SPATA17: variants seen among roughly 807,000 people sequenced by gnomAD.
The protein encoded by SPATA17 is spermatogenesis-associated protein 17.
In SPATA17, 53 loss-of-function variants were observed where a neutral mutation model predicts 62.2. The ratio of observed to expected loss-of-function variants is 0.85; its 90% confidence interval spans 0.68 to 1.07. SPATA17 has a LOEUF of 1.07. SPATA17 is among the 50% of genes least tolerant of loss of function. The pLI, the probability that SPATA17 is intolerant of heterozygous loss-of-function variation, is 0.00. For synonymous variants in SPATA17, 146 were observed against 146.8 expected (o/e 0.99, Z 0.04); for missense variants, 466 against 425.5 (o/e 1.10, Z -0.84).
chr1:217,672,784 T>C (rs1670860459), intron 4 of SPATA17, among the ~76,000 whole-genome samples: 1 of 152,144 alleles, frequency 6.6e-6, no homozygotes, highest in Non-Finnish European at 1.5e-5. Context: ...TTTTTTATGT[T>C]CCTATTTTAC....
In SPATA17 at chr1:217,870,092, T is replaced by C. The variant is rs1676101352; in HGVS notation, c.*3073T>C. ...CTAAACTTATAACAAAATAAATAAT[T>C]GGCCATCTTCATTGGATTGTGAAGC... is the stretch of plus-strand genomic sequence containing the variant. On this transcript the variant is annotated 3_prime_UTR_variant, in exon 11 of 11. Transcript: ENST00000366933. 1 of 152,126 alleles carries C rather than the reference T, an allele frequency of 6.6e-6. No individual in the cohort carries two copies. Among genetic ancestry groups the C allele is most frequent in the Non-Finnish European group, 1.5e-5 (1 of 68,028 alleles). The allele number at this position is 152,126 out of a possible 1,614,324, so 9.4% of individuals were successfully genotyped here. A position where few individuals can be genotyped will look rare whatever the true frequency, so the allele number is the denominator to read the frequency against.
At chr1:217,831,833 G>T (rs1675150289) in intron 9 of SPATA17, among the ~76,000 whole-genome samples, 1 of 151,962 alleles carries the variant, frequency 6.6e-6, no homozygotes, top group African/African-American at 2.4e-5. Context: ...CCATATACTT[G>T]TTTCCTTCAC....
At chr1:217,638,831 A>G (rs1669995366) in intron 1 of SPATA17, among the ~76,000 whole-genome samples, 1 of 152,178 alleles carries the variant, frequency 6.6e-6, no homozygotes, top group African/African-American at 2.4e-5. Flanking sequence ...CCATTTAAAA[A>G]TGTAATAGAT....
rs58138326 is a variant in SPATA17, at chr1:217,705,430, C to CTTTTTTTTTTTTTT, written c.395+22084_395+22097dup. On this transcript the variant is annotated intron_variant, in intron 5 of 10. Transcript: ENST00000366933. Reference sequence around the variant, plus strand: ...TTTATCTCAATTAGATTCTAGTTGTCTTTTTTTTTTTTTTTTTTTTTTTTT... The same window carrying CTTTTTTTTTTTTTT: ...TTTATCTCAATTAGATTCTAGTTGTCTTTTTTTTTTTTTTTTTTTTTTTTTTTTTTTTTTTTTTT... Among the ~76,000 whole-genome samples, 13 of 46,628 alleles carry CTTTTTTTTTTTTTT rather than the reference C, an allele frequency of 2.8e-4. 4 individuals carry two copies. Among genetic ancestry groups the CTTTTTTTTTTTTTT allele is most frequent in the African/African-American group, 5.2e-4 (6 of 11,530 alleles). 30.6% of individuals were successfully genotyped at this position (46,628 alleles called of 152,430 possible).
intron 3 of SPATA17, among the ~76,000 whole-genome samples, chr1:217,657,996 G>A (rs1670479616): frequency 6.6e-6 from 1 of 152,172 alleles, no homozygotes; most frequent in African/African-American, 2.4e-5. Context: ...ATCAGATCTT[G>A]TGAGACTTGT....
chr1:217,710,849 C>A (rs565504428), intron 5 of SPATA17, among the ~76,000 whole-genome samples: 1 of 152,234 alleles, frequency 6.6e-6, no homozygotes, highest in East Asian at 1.9e-4. Flanking sequence ...TCCCCCCTCA[C>A]TTCTAGATAA....
At chr1:217,681,522 C>A (rs536073090) in intron 4 of SPATA17, among the ~76,000 whole-genome samples, 1 of 152,022 alleles carries the variant, frequency 6.6e-6, no homozygotes, top group Non-Finnish European at 1.5e-5. Context: ...TACAGGCGCA[C>A]ACCACCATGC....
chr1:217,843,546 G>A (rs1005937508), intron 9 of SPATA17, among the ~76,000 whole-genome samples: 7 of 152,060 alleles, frequency 4.6e-5, no homozygotes, highest in Admixed American at 3.9e-4. Flanking sequence ...GGCCTTGAAT[G>A]TCTATGGCAG....
chr1:217,868,504 T>A lies in SPATA17; in HGVS notation c.*1485T>A, dbSNP rs997540679. On this transcript the variant is annotated 3_prime_UTR_variant, in exon 11 of 11. Transcript: ENST00000366933. ...TCAGAACACATACGTTAGCCTATAG[T>A]TGGGCAAAATCATCTAACACAAAGC... 6.6e-6 allele frequency: 1 copy of A among 152,086 alleles called. No individual in the cohort carries two copies. The highest frequency in any genetic ancestry group is 2.4e-5 in the African/African-American group (1 of 41,420). The allele number at this position is 152,086 out of a possible 1,614,324, so 9.4% of individuals were successfully genotyped here.
rs544690927 is a variant in SPATA17, at chr1:217,733,503, G to A, written c.396-8472G>A. ...TCAGAAGTGAGCCCCCTGAACTTAA[G>A]CACTACGTATGTATTTTTTTCACTG... On this transcript the variant is annotated intron_variant, in intron 5 of 10. Transcript: ENST00000366933. Among the ~76,000 whole-genome samples the A allele has an allele frequency of 5.3e-5, 8 of 152,252 alleles. No homozygotes were observed. In the East Asian group the frequency reaches 1.5e-3, roughly 29 times the overall value.
At position 217,811,936 on chromosome 1, in the gene SPATA17, A is replaced by G. The variant is rs1571821675; in HGVS notation, c.1005+10086A>G. The stretch of plus-strand genomic sequence containing the variant: ...AATTTTAGGCTTCAATTTATTAATT[A>G]TTGGTGGATTAGAGAAAATCTTAGG... On this transcript the variant is annotated intron_variant, in intron 9 of 10. Transcript: ENST00000366933. Among the ~76,000 whole-genome samples the G allele has an allele frequency of 2.6e-5, 4 of 152,264 alleles. 1 individual carries two copies. The highest frequency in any genetic ancestry group is 2.6e-4 in the Admixed American group (4 of 15,272).
At chr1:217,673,293 C>T (rs1468592312) in intron 4 of SPATA17, among the ~76,000 whole-genome samples, 2 of 152,090 alleles carry the variant, frequency 1.3e-5, no homozygotes, top group Non-Finnish European at 2.9e-5. Flanking sequence ...CTGTCAGAAC[C>T]CACAGTATGC....
intron 7 of SPATA17, among the ~76,000 whole-genome samples, chr1:217,778,078 A>C (rs945998732): frequency 6.6e-6 from 1 of 152,154 alleles, no homozygotes; most frequent in African/African-American, 2.4e-5. Context: ...CAAGCAATTA[A>C]ATTTATTAAT....
chr1:217,689,883 C>T (rs1287103382), intron 5 of SPATA17, among the ~76,000 whole-genome samples: 1 of 151,698 alleles, frequency 6.6e-6, no homozygotes, highest in African/African-American at 2.4e-5. Flanking sequence ...TTGTGAGCTT[C>T]ATTTCACTGC....
At chr1:217,843,204 T>A (rs1026096932) in intron 9 of SPATA17, among the ~76,000 whole-genome samples, 3 of 152,148 alleles carry the variant, frequency 2.0e-5, no homozygotes, top group African/African-American at 4.8e-5. Flanking sequence ...CATTCTACAT[T>A]CATCCATTTC....
chr1:217,826,533 A>G (rs1455910420), intron 9 of SPATA17, among the ~76,000 whole-genome samples: 2 of 151,960 alleles, frequency 1.3e-5, no homozygotes, highest in African/African-American at 4.8e-5. Context: ...TTTATTTCTG[A>G]TATTTATATT....
rs946419972 is a variant in SPATA17 at position 217,648,958 on chromosome 1, C to T, written c.145C>T (p.Arg49Trp). The T allele has an allele frequency of 1.1e-5, 17 of 1,608,874 alleles. No individual in the cohort carries two copies. Among genetic ancestry groups the T allele is most frequent in the Admixed American group, 3.4e-5 (2 of 59,116 alleles). ...AAGCTGGTTTCGAGGATGTCAAGTT[C>T]GGGCATATATCAGGTATATTGCTTT... ...IQSWFRGCQV[R>W]AYIRHLNRIV... The change falls in exon 2 of 11, where the codon CGG becomes TGG. Residue 49 changes from arginine (R) to tryptophan (W), a missense_variant. Arg to Trp is a moderately radical substitution (Grantham distance 101, BLOSUM62 -3). Coordinates refer to ENST00000366933, the MANE Select transcript of SPATA17 (RefSeq NM_138796.4).
chr1:217,751,841 C>T (rs1672915474), intron 6 of SPATA17, among the ~76,000 whole-genome samples: 1 of 152,178 alleles, frequency 6.6e-6, no homozygotes, highest in African/African-American at 2.4e-5. Context: ...AGGGCCTTAG[C>T]TCTTTCCCTT....
chr1:217,761,496 A>T (rs1338767533), intron 6 of SPATA17, among the ~76,000 whole-genome samples: 1 of 152,134 alleles, frequency 6.6e-6, no homozygotes, highest in Non-Finnish European at 1.5e-5. Context: ...CTCTCTCCAC[A>T]TCAACATTTA....
Sources: gnomAD v4.1 joint callset for allele counts (sites outside exome capture counted in the v4.1 genomes callset) on GRCh38, gnomAD v4.1.1 for gene constraint, MANE v1.5 for transcripts, NCBI Gene and HGNC (gene_info 2026-07-23, HGNC 2026-07-21) for gene names.